FRMD5: variants seen among roughly 807,000 people sequenced by gnomAD.
The protein encoded by FRMD5 is FERM domain-containing protein 5.
Under a neutral mutation model 69.0 loss-of-function variants are expected in FRMD5, and 20 were observed. The ratio of observed to expected loss-of-function variants is 0.29; its 90% CI spans 0.20 to 0.42. The LOEUF is 0.42. FRMD5 is among the 10% of genes least tolerant of loss of function. The pLI is 1.00. For synonymous variants in FRMD5, 271 were observed against 260.1 expected, an observed-to-expected ratio of 1.04 and a Z score of -0.40; for missense variants, 595 against 708.6, an observed-to-expected ratio of 0.84 and a Z score of 1.82.
At chr15:43,938,333 T>G (rs1186136686) in intron 1 of FRMD5, among the ~76,000 whole-genome samples, 1 of 151,788 alleles carries the variant, frequency 6.6e-6, no homozygotes, top group Non-Finnish European at 1.5e-5. Context: ...ATTAACCCCA[T>G]TTTATAAAGA....
At chr15:43,880,049 C>G (rs975824415) in intron 13 of FRMD5, among the ~76,000 whole-genome samples, 3 of 152,218 alleles carry the variant, frequency 2.0e-5, no homozygotes, top group Non-Finnish European at 4.4e-5. Flanking sequence ...GGGCAGAGAA[C>G]AATCCCAGAG....
At chr15:44,171,991 T>A (rs1407001111) in intron 1 of FRMD5, among the ~76,000 whole-genome samples, 1 of 152,106 alleles carries the variant, frequency 6.6e-6, no homozygotes, top group East Asian at 1.9e-4. Context: ...CTCAAACTCC[T>A]GACCTCAAGT....
chr15:44,005,615 A>G (rs989284780), intron 1 of FRMD5, among the ~76,000 whole-genome samples: 5 of 152,200 alleles, frequency 3.3e-5, no homozygotes, highest in Admixed American at 6.5e-5. Context: ...GGAAACTTAC[A>G]ATCATGGTGG....
chr15:44,150,441 C>A (rs979280414), intron 1 of FRMD5, among the ~76,000 whole-genome samples: 9 of 149,114 alleles, frequency 6.0e-5, no homozygotes, highest in Admixed American at 2.7e-4. Context: ...AAAAAAAAAA[C>A]CTGCTACAAC....
At chr15:44,195,301 A>C (rs1242025954), upstream of FRMD5, 2 of 483,312 alleles carry the variant, frequency 4.1e-6, no homozygotes, top group Non-Finnish European at 3.7e-6. Context: ...GCCCGTGCCC[A>C]GCTCGCGGGG....
intron 1 of FRMD5, among the ~76,000 whole-genome samples, chr15:43,924,829 G>A (rs962787427): frequency 1.2e-4 from 18 of 152,096 alleles, no homozygotes; most frequent in Non-Finnish European, 2.4e-4. Flanking sequence ...AGCAATGAGG[G>A]TGTCCACAAT....
chr15:44,198,343 A>G (rs574818802), upstream of FRMD5, among the ~76,000 whole-genome samples: 1 of 149,254 alleles, frequency 6.7e-6, no homozygotes, highest in African/African-American at 2.5e-5. Flanking sequence ...AAAAAAAAAA[A>G]GGAATTAAAA....
chr15:44,154,711 A>G (rs2140482100), intron 1 of FRMD5, among the ~76,000 whole-genome samples: 1 of 152,334 alleles, frequency 6.6e-6, no homozygotes, highest in Non-Finnish European at 1.5e-5. Flanking sequence ...TTCCATTTAT[A>G]TAAAATATCC....
chr15:44,091,886 G>A (rs1380263713), intron 1 of FRMD5, among the ~76,000 whole-genome samples: 2 of 152,082 alleles, frequency 1.3e-5, no homozygotes, highest in African/African-American at 2.4e-5. Flanking sequence ...AGTCAAGAGA[G>A]GAAGGAAAAA....
intron 1 of FRMD5, among the ~76,000 whole-genome samples, chr15:44,135,685 C>T (rs1020687075): frequency 2.0e-5 from 3 of 151,834 alleles, no homozygotes; most frequent in Non-Finnish European, 2.9e-5. Context: ...ATTAGCCAGG[C>T]GTGGTGGTGC....
At position 43,873,979 on chromosome 15, in the gene FRMD5, T is replaced by G. The variant is rs1304838268; in HGVS notation, c.1619A>C (p.Glu540Ala). ...AFFRDIRQTPEFEQFHYQYFC... is the reference protein window; with the variant it reads ...AFFRDIRQTPAFEQFHYQYFC... ...GTATTGATAGTGGAATTGTTCAAAC[T>G]CGGGGGTCTGGCGGATATCACGGAA... Residue 540 changes from glutamate to alanine, a missense_variant, in exon 14 of 14, where the codon GAG becomes GCG. By Grantham distance (107) the Glu-to-Ala change is moderately radical. Transcript: ENST00000417257. 1 of 1,614,126 alleles carries G rather than the reference T, an allele frequency of 6.2e-7. No individual in the cohort carries two copies. Among genetic ancestry groups the G allele is most frequent in the South Asian group, 1.1e-5 (1 of 91,084 alleles).
chr15:44,106,498 G>A (rs1472511576), intron 1 of FRMD5, among the ~76,000 whole-genome samples: 2 of 152,090 alleles, frequency 1.3e-5, no homozygotes, highest in Non-Finnish European at 2.9e-5. Context: ...GCTTCGTCTA[G>A]AAGGCCTCCT....
chr15:44,195,878 CCACTCTAA>C (rs1474577303), upstream of FRMD5, among the ~76,000 whole-genome samples: 2 of 129,466 alleles, frequency 1.5e-5, no homozygotes, highest in Non-Finnish European at 3.3e-5. Flanking sequence ...AAAAAACCCT[CCACTCTAA>C]CACCCTTTGC....
At chr15:44,063,966 TACC>T (rs1279496592) in intron 1 of FRMD5, 2 of 246,782 alleles carry the variant, frequency 8.1e-6, no homozygotes, top group Non-Finnish European at 1.6e-5. Flanking sequence ...ATGCCTCCTG[TACC>T]ACCAATTGCT....
At chr15:44,050,453 G>A (rs948182850) in intron 1 of FRMD5, among the ~76,000 whole-genome samples, 2 of 149,282 alleles carry the variant, frequency 1.3e-5, no homozygotes, top group African/African-American at 4.9e-5. Flanking sequence ...TTAACCTCCT[G>A]AGCTCAAGCT....
intron 1 of FRMD5, among the ~76,000 whole-genome samples, chr15:44,041,987 C>A (rs1296601543): frequency 6.6e-6 from 1 of 152,094 alleles, no homozygotes; most frequent in Non-Finnish European, 1.5e-5. Context: ...ATCAATGAAT[C>A]CAAGAGCTGG....
intron 1 of FRMD5, among the ~76,000 whole-genome samples, chr15:44,015,800 A>ATGCCTTTG (rs1890931919): frequency 6.6e-6 from 1 of 152,232 alleles, no homozygotes; most frequent in African/African-American, 2.4e-5. Context: ...ATGCACTTAC[A>ATGCCTTTG]GATAGATGGC....
At chr15:44,178,989 T>C (rs2696094) in intron 1 of FRMD5, among the ~76,000 whole-genome samples, 124,312 of 146,006 alleles carry the variant, frequency 0.85, 54,671 homozygotes, top group Non-Finnish European at 0.97. Flanking sequence ...TGAAACTCTG[T>C]CTTGAAATAA....
intron 1 of FRMD5, among the ~76,000 whole-genome samples, chr15:44,135,791 T>C (rs183735122): frequency 1.6e-5 from 2 of 126,606 alleles, no homozygotes; most frequent in East Asian, 4.8e-4. Context: ...CACTACTGAC[T>C]CCAGCCTGGG....
Sources: gnomAD v4.1 joint callset for allele counts (sites outside exome capture counted in the v4.1 genomes callset) on GRCh38, gnomAD v4.1.1 for gene constraint, MANE v1.5 for transcripts, NCBI Gene and HGNC (gene_info 2026-07-23, HGNC 2026-07-21) for gene names.